NBAS: variants seen among roughly 807,000 people sequenced by gnomAD.
The protein encoded by NBAS is NAG/BC035112 fusion.
Under a neutral mutation model 302.5 loss-of-function variants are expected in NBAS, and 219 were observed. That is an observed-to-expected ratio of 0.72 (90% confidence interval 0.65 to 0.81). NBAS has a LOEUF of 0.81. Ranked by LOEUF, NBAS falls within the 30% of genes least tolerant of loss-of-function variation. The pLI is 0.00. For synonymous variants in NBAS, 1,118 were observed against 1,021.6 expected (o/e 1.09, Z -1.80); for missense variants, 2,932 against 2,841.6 (o/e 1.03, Z -0.72).
At chr2:14,794,445 T>C in the NBAS span, among the ~76,000 whole-genome samples, 3 of 152,070 alleles carry the variant, frequency 2.0e-5, no homozygotes, top group Non-Finnish European at 4.4e-5. Context: ...TAAAAAACTT[T>C]TAGCATTTTA....
At chr2:15,100,887 A>C in the NBAS span, among the ~76,000 whole-genome samples, 2 of 152,242 alleles carry the variant, frequency 1.3e-5, no homozygotes, top group Non-Finnish European at 2.9e-5. Flanking sequence ...AGCAAGCTTA[A>C]AAATCTTCCA....
At chr2:15,457,327 A>C (rs1435967608) in intron 21 of NBAS, among the ~76,000 whole-genome samples, 1 of 152,214 alleles carries the variant, frequency 6.6e-6, no homozygotes, top group Non-Finnish European at 1.5e-5. Context: ...AGTCAAAGAA[A>C]AGAGCAAAAT....
intron 40 of NBAS, among the ~76,000 whole-genome samples, chr2:15,301,676 T>C (rs116084359): frequency 9.3e-4 from 141 of 152,264 alleles, no homozygotes; most frequent in Middle Eastern, 3.4e-3. Flanking sequence ...AGTATTTACG[T>C]TCAAAACAAT....
chr2:15,166,787 C>G, downstream of NBAS: 3 of 423,316 alleles, frequency 7.1e-6, no homozygotes. Context: ...AAACTGAATT[C>G]TATCCAGAAA....
Position 15,475,737 on chromosome 2 carries a change from G to C in NBAS, c.1291C>G (p.Pro431Ala), listed in dbSNP as rs1183387626. 6.2e-7 allele frequency: 1 copy of C among 1,614,082 alleles called. No individual in the cohort carries two copies. The highest frequency in any genetic ancestry group is 8.5e-7 in the Non-Finnish European group (1 of 1,179,990). The stretch of plus-strand genomic sequence containing the variant: ...TGGGTAGCAGTGACTTGAGGTGATG[G>C]TTCAAACCATTCACAGGATTTTCCC... ...LLGKSCEWFE[P>A]SPQVTATHDG... The change falls in exon 14 of 52, where the codon CCA becomes GCA. Residue 431 changes from proline to alanine, a missense_variant. Pro to Ala is a conservative substitution (Grantham distance 27, BLOSUM62 -1). Coordinates refer to ENST00000281513, the MANE Select transcript of NBAS (RefSeq NM_015909.4).
chr2:15,230,868 C>G (rs1446064030), intron 47 of NBAS, among the ~76,000 whole-genome samples: 3 of 152,198 alleles, frequency 2.0e-5, no homozygotes, highest in Non-Finnish European at 4.4e-5. Context: ...TCTGCCTGCT[C>G]TGCTACCTGC....
intron 24 of NBAS, among the ~76,000 whole-genome samples, chr2:15,417,199 A>T (rs1215088077): frequency 1.3e-5 from 2 of 152,194 alleles, no homozygotes; most frequent in Non-Finnish European, 2.9e-5. Flanking sequence ...TGAAATACAT[A>T]AGTAATTGGG....
At chr2:14,856,672 C>A in the NBAS span, among the ~76,000 whole-genome samples, 1 of 151,858 alleles carries the variant, frequency 6.6e-6, no homozygotes, top group Admixed American at 6.6e-5. Context: ...CTGAAGAATG[C>A]ATAAGAGTTC....
At chr2:15,166,301 T>A (rs1339591694), downstream of NBAS, among the ~76,000 whole-genome samples, 3 of 152,290 alleles carry the variant, frequency 2.0e-5, no homozygotes, top group East Asian at 5.8e-4. Context: ...CCCACCCACC[T>A]GCCTATGTAC....
At chr2:15,125,930 G>C in the NBAS span, among the ~76,000 whole-genome samples, 1 of 152,164 alleles carries the variant, frequency 6.6e-6, no homozygotes, top group Non-Finnish European at 1.5e-5. Flanking sequence ...AGGGATGATT[G>C]TATTTTGCCA....
At chr2:15,524,781 G>T (rs1356935299) in intron 9 of NBAS, among the ~76,000 whole-genome samples, 1 of 151,676 alleles carries the variant, frequency 6.6e-6, no homozygotes, top group African/African-American at 2.4e-5. Context: ...GCCTTTGAGG[G>T]TAGGACCTAG....
chr2:14,807,293 T>C, the NBAS span, among the ~76,000 whole-genome samples: 1 of 152,234 alleles, frequency 6.6e-6, no homozygotes, highest in African/African-American at 2.4e-5. Context: ...TTTCTATTTA[T>C]TATGGAGCCT....
chr2:14,974,310 C>T, the NBAS span, among the ~76,000 whole-genome samples: 120 of 152,208 alleles, frequency 7.9e-4, no homozygotes, highest in Middle Eastern at 0.01. Flanking sequence ...AAAGCTTTAC[C>T]GCTATAAATA....
In NBAS at chr2:15,463,446, T is replaced by G. The variant is rs115511716; in HGVS notation, c.2098-1655A>C. 6.0e-3 allele frequency among the ~76,000 whole-genome samples: 920 copies of G among 152,288 alleles called. 10 individuals carry two copies. The highest frequency in any genetic ancestry group is 0.02 in the African/African-American group (833 of 41,556). ...CTGTGATCACCGCTCCTAATCTTCC[T>G]AGTCGCATACTAAGTGGTATTTTAA... On this transcript the variant is annotated intron_variant, in intron 19 of 51. Transcript: ENST00000281513.
chr2:15,204,786 A>T (rs1666061374), intron 48 of NBAS, among the ~76,000 whole-genome samples: 1 of 152,018 alleles, frequency 6.6e-6, no homozygotes, highest in Admixed American at 6.6e-5. Flanking sequence ...GCGTGTTCTC[A>T]CTCATAGGTG....
the NBAS span, among the ~76,000 whole-genome samples, chr2:14,849,297 A>T: frequency 6.6e-6 from 1 of 152,138 alleles, no homozygotes; most frequent in African/African-American, 2.4e-5. Flanking sequence ...AAGCCTCAGG[A>T]GCCAATGCGA....
chr2:15,055,112 T>C, the NBAS span, among the ~76,000 whole-genome samples: 1 of 152,114 alleles, frequency 6.6e-6, no homozygotes, highest in African/African-American at 2.4e-5. Context: ...TTGGACTGGA[T>C]ACATTCACTC....
intron 6 of NBAS, 72 bp downstream of exon 6, chr2:15,551,421 A>G (rs1261724541): frequency 5.9e-6 from 6 of 1,021,348 alleles, no homozygotes; most frequent in Non-Finnish European, 8.8e-6. Context: ...TATCTATTCT[A>G]ACTTTTAAGA....
chr2:14,845,814 G>A, the NBAS span, among the ~76,000 whole-genome samples: 8 of 151,878 alleles, frequency 5.3e-5, no homozygotes, highest in African/African-American at 1.9e-4. Flanking sequence ...TTAAGTAGAA[G>A]AAAGAATTAG....
Sources: allele counts gnomAD v4.1 joint callset (sites outside exome capture counted in the v4.1 genomes callset), GRCh38; gene constraint gnomAD v4.1.1; transcripts MANE v1.5; gene names NCBI Gene and HGNC (gene_info 2026-07-23, HGNC 2026-07-21).